ACSL1: variants seen among roughly 807,000 people sequenced by gnomAD.
The protein encoded by ACSL1 is acyl-CoA synthetase long chain family member 1.
ACSL1 carries 41 observed loss-of-function variants against 98.4 expected under a neutral mutation model. The ratio of observed to expected loss-of-function variants is 0.42; its 90% confidence interval spans 0.32 to 0.54. The LOEUF is 0.54. ACSL1 is among the 20% of genes least tolerant of loss of function. ACSL1 has a pLI of 0.13. For missense variants in ACSL1, 734 were observed against 883.1 expected (o/e 0.83, Z 2.14); for synonymous variants, 316 against 322.7 (o/e 0.98, Z 0.22).
At chr4:184,814,618 G>T (rs1772453508) in intron 1 of ACSL1, among the ~76,000 whole-genome samples, 1 of 152,056 alleles carries the variant, frequency 6.6e-6, no homozygotes, top group Non-Finnish European at 1.5e-5. Flanking sequence ...TATAAAACTT[G>T]CCATCCTAAC....
At chr4:184,805,465 A>C in intron 1 of ACSL1, 1 of 985,470 alleles carries the variant, frequency 1.0e-6, no homozygotes, top group Non-Finnish European at 1.2e-6. Context: ...AGAACAGATA[A>C]GCAGATTTCT....
chr4:184,783,094 C>G (rs1036316672), intron 4 of ACSL1, among the ~76,000 whole-genome samples: 4 of 152,210 alleles, frequency 2.6e-5, no homozygotes, highest in African/African-American at 4.8e-5. Flanking sequence ...GGCAGCAGAG[C>G]TGGCCTGTCT....
Position 184,765,874 on chromosome 4 carries a change from C to T in ACSL1, c.1359+17G>A, listed in dbSNP as rs754252150. 16 of 1,608,042 alleles carry T rather than the reference C, an allele frequency of 9.9e-6. No homozygotes were observed. The highest frequency in any genetic ancestry group is 5.0e-5 in the Admixed American group (3 of 59,682). On this transcript the variant is annotated intron_variant, in intron 14 of 20. Coordinates refer to ENST00000281455, the MANE Select transcript of ACSL1 (RefSeq NM_001995.5). Reference sequence around the variant, plus strand: ...ATCCTAGTGTGGGAGAATCAGGCGCCGTGACATCCACCTCACCTGACAGCC... The same window carrying T: ...ATCCTAGTGTGGGAGAATCAGGCGCTGTGACATCCACCTCACCTGACAGCC...
At chr4:184,770,846 G>A (rs1383365605) in intron 10 of ACSL1, among the ~76,000 whole-genome samples, 1 of 152,146 alleles carries the variant, frequency 6.6e-6, no homozygotes, top group Non-Finnish European at 1.5e-5. Context: ...GAAAAACAAG[G>A]GGCATGGTGG....
At chr4:184,812,749 G>T (rs1772248104) in intron 1 of ACSL1, among the ~76,000 whole-genome samples, 1 of 152,148 alleles carries the variant, frequency 6.6e-6, no homozygotes, top group Non-Finnish European at 1.5e-5. Context: ...CGGGGGAAGG[G>T]AAGAGATCAA....
chr4:184,824,057 C>A (rs1200843914), intron 1 of ACSL1, among the ~76,000 whole-genome samples: 1 of 152,108 alleles, frequency 6.6e-6, no homozygotes, highest in Non-Finnish European at 1.5e-5. Flanking sequence ...AAAAATACTG[C>A]CAAAATAGGA....
At chr4:184,768,686 T>A (rs1764005837) in intron 11 of ACSL1, among the ~76,000 whole-genome samples, 1 of 152,228 alleles carries the variant, frequency 6.6e-6, no homozygotes, top group African/African-American at 2.4e-5. Context: ...AACCAGGCTA[T>A]GTTGTTTTTA....
intron 1 of ACSL1, among the ~76,000 whole-genome samples, chr4:184,820,806 T>C (rs1773011132): frequency 6.6e-6 from 1 of 151,730 alleles, no homozygotes; most frequent in Non-Finnish European, 1.5e-5. Context: ...GGTTTCACCA[T>C]ATTGGTCAGG....
At chr4:184,790,433 T>G (rs1007727023) in intron 2 of ACSL1, among the ~76,000 whole-genome samples, 1 of 152,212 alleles carries the variant, frequency 6.6e-6, no homozygotes, top group Admixed American at 6.5e-5. Flanking sequence ...ATGTGTGTAT[T>G]TCACTCTTGA....
intron 1 of ACSL1, chr4:184,808,607 A>T (rs1263933372): frequency 1.6e-6 from 1 of 612,836 alleles, no homozygotes; most frequent in Non-Finnish European, 2.0e-6. Context: ...TTTGTCATTC[A>T]CTAGCTGGGC....
At chr4:184,763,321 T>C (rs916127690) in intron 15 of ACSL1, 66 bp from the exon 16 acceptor site, 176 of 1,454,392 alleles carry the variant, frequency 1.2e-4, no homozygotes, top group Non-Finnish European at 1.6e-4. Context: ...TCAAATTATT[T>C]TGATAGCAAA....
chr4:184,776,271 C>G (rs1407516076), intron 7 of ACSL1, among the ~76,000 whole-genome samples: 2 of 152,218 alleles, frequency 1.3e-5, no homozygotes. Context: ...GCTGAAAGCA[C>G]TTGGGTAAGG....
At chr4:184,808,037 A>C (rs1039355193) in intron 1 of ACSL1, among the ~76,000 whole-genome samples, 10 of 152,198 alleles carry the variant, frequency 6.6e-5, no homozygotes, top group South Asian at 2.1e-4. Flanking sequence ...CTCCCTCCTG[A>C]GGTCCACCTA....
At chr4:184,776,144 G>C (rs1221897095) in intron 7 of ACSL1, among the ~76,000 whole-genome samples, 1 of 152,210 alleles carries the variant, frequency 6.6e-6, no homozygotes, top group African/African-American at 2.4e-5. Context: ...GTAAGTAAAA[G>C]GCATTAAAGC....
rs375289282 is a variant in ACSL1 at position 184,773,911 on chromosome 4, C to T, written c.757-36G>A. 41 of 1,612,210 alleles carry T rather than the reference C, an allele frequency of 2.5e-5. No homozygotes were observed. The Middle Eastern group carries it at 1.4e-3, about 54-fold the overall frequency. ...AGAGAAAAAAAGTCTTAAATGGAAA[C>T]GTTTTCTAACTGTAAAGGATAAGGT... is the stretch of plus-strand genomic sequence containing the variant. On this transcript the variant is annotated intron_variant, in intron 7 of 20. Coordinates refer to ENST00000281455, the MANE Select transcript of ACSL1 (RefSeq NM_001995.5). This position sits in a 1 kb window ranked among gnomAD's most constrained non-coding sequence, Gnocchi z 4.3.
At chr4:184,795,875 G>C (rs73012231) in intron 2 of ACSL1, among the ~76,000 whole-genome samples, 2,278 of 152,336 alleles carry the variant, frequency 0.015, 57 homozygotes, top group African/African-American at 0.052. Context: ...TGAAAATGCT[G>C]ATGTTTGCAC....
At position 184,803,831 on chromosome 4, in the gene ACSL1, C is replaced by A. The variant is rs773301436; in HGVS notation, c.-32-285G>T. Reference sequence around the variant, plus strand: ...AAAAAGATTTTACTCAAGAAGAATTCTTCCCATAAAAACTCAAATAAGTAG... The same window carrying A: ...AAAAAGATTTTACTCAAGAAGAATTATTCCCATAAAAACTCAAATAAGTAG... On this transcript the variant is annotated intron_variant, in intron 1 of 20. Coordinates refer to ENST00000281455, the MANE Select transcript of ACSL1 (RefSeq NM_001995.5). This position sits in a 1 kb window ranked among gnomAD's most constrained non-coding sequence, Gnocchi z 4.8. Among the ~76,000 whole-genome samples, 12 of 152,198 alleles carry A rather than the reference C, an allele frequency of 7.9e-5. No individual in the cohort carries two copies. Among genetic ancestry groups the A allele is most frequent in the Non-Finnish European group, 1.3e-4 (9 of 68,026 alleles).
chr4:184,763,860 C>G (rs1422342085), intron 15 of ACSL1, among the ~76,000 whole-genome samples: 1 of 152,190 alleles, frequency 6.6e-6, no homozygotes, highest in Non-Finnish European at 1.5e-5. Flanking sequence ...TGTTAGATAT[C>G]ACATTAGATA....
At chr4:184,770,682 T>G (rs1166881239) in intron 10 of ACSL1, among the ~76,000 whole-genome samples, 3 of 151,896 alleles carry the variant, frequency 2.0e-5, no homozygotes, top group African/African-American at 7.3e-5. Context: ...GTTGTGCACA[T>G]GCACCCTAAA....
Sources: gnomAD v4.1 joint callset for allele counts (sites outside exome capture counted in the v4.1 genomes callset) on GRCh38, gnomAD v4.1.1 for gene constraint, Gnocchi (gnomAD v3.1) non-coding constraint, MANE v1.5 for transcripts, NCBI Gene and HGNC (gene_info 2026-07-23, HGNC 2026-07-21) for gene names.